The following PDIA6 variants were observed in gnomAD, a reference collection of about 807,000 sequenced individuals.
PDIA6 encodes protein disulfide isomerase family A member 6.
PDIA6 carries 29 observed loss-of-function variants against 58.4 expected under a neutral mutation model. That is an observed-to-expected ratio of 0.50 (90% CI 0.37 to 0.68). The LOEUF is 0.68. Among genes scored for constraint, PDIA6 ranks in the 30% least tolerant of loss-of-function variants. The pLI is 0.00. For missense variants in PDIA6, 480 were observed against 551.0 expected (o/e 0.87, Z 1.29); for synonymous variants, 192 against 202.6 (o/e 0.95, Z 0.44).
chr2:10,799,201 T>G (rs1459583137), intron 2 of PDIA6, among the ~76,000 whole-genome samples: 1 of 152,092 alleles, frequency 6.6e-6, no homozygotes, highest in African/African-American at 2.4e-5. Context: ...GCTATACTGT[T>G]TATTTTTATT....
intron 6 of PDIA6, 48 bp downstream of exon 6, chr2:10,791,747 T>C (rs1405112313): frequency 6.4e-7 from 1 of 1,555,352 alleles, no homozygotes; most frequent in Non-Finnish European, 8.8e-7. Flanking sequence ...CTAATGAATG[T>C]ACTGAAAACA....
At chr2:10,829,651 T>G (rs941540059) in intron 1 of PDIA6, among the ~76,000 whole-genome samples, 2 of 152,222 alleles carry the variant, frequency 1.3e-5, no homozygotes, top group African/African-American at 4.8e-5. Flanking sequence ...CAAATCCTAG[T>G]TCAGGTCCCA....
chr2:10,809,256 A>G (rs2148562114), intron 1 of PDIA6, among the ~76,000 whole-genome samples: 1 of 152,328 alleles, frequency 6.6e-6, no homozygotes, highest in Admixed American at 6.5e-5. Flanking sequence ...TTATATTTCT[A>G]TTGGATGGCA....
At chr2:10,822,882 G>A (rs1212022737) in intron 1 of PDIA6, among the ~76,000 whole-genome samples, 1 of 152,184 alleles carries the variant, frequency 6.6e-6, no homozygotes, top group Non-Finnish European at 1.5e-5. Flanking sequence ...AGCTTCCTGC[G>A]GACAAGACAA....
At chr2:10,803,911 G>GGTTTTTTTTTTTTTTTTTTTTT in intron 1 of PDIA6, among the ~76,000 whole-genome samples, 1 of 117,892 alleles carries the variant, frequency 8.5e-6, no homozygotes, top group Non-Finnish European at 1.8e-5. Context: ...TAGTTTTTGT[G>GGTTTTTTTTTTTTTTTTTTTTT]TTTTTTTTTT....
intron 1 of PDIA6, among the ~76,000 whole-genome samples, chr2:10,831,812 C>T (rs1163632170): frequency 6.6e-6 from 1 of 152,026 alleles, no homozygotes; most frequent in East Asian, 1.9e-4. Context: ...CTCCCAGCCA[C>T]CTTCCTGGAC....
At chr2:10,837,657 A>G in exon 1 of PDIA6, 1 of 1,478,304 alleles carries the variant, frequency 6.8e-7, no homozygotes, top group African/African-American at 1.4e-5. Flanking sequence ...CAGGGGCTCC[A>G]AGCTTCTAGG....
intron 1 of PDIA6, chr2:10,820,649 G>A: frequency 1.7e-6 from 1 of 592,404 alleles, no homozygotes; most frequent in South Asian, 1.9e-5. Flanking sequence ...TTTGTTAGAA[G>A]GGAAGTTCTG....
In PDIA6 at chr2:10,787,416, G is replaced by C. The variant is rs769560300; in HGVS notation, c.1022C>G (p.Ala341Gly). Reference protein sequence around the residue: ...MWGWLWTEAGAQSELETALGI... With the variant: ...MWGWLWTEAGGQSELETALGI... The stretch of plus-strand genomic sequence containing the variant: ...CAACGCGGTCTCAAGTTCAGACTGG[G>C]CTCCAGCTTCTGTCCACAGCCACCT... The change falls in exon 11 of 13, where the codon GCC (alanine) becomes GGC (glycine). Residue 341 changes from alanine (A) to glycine (G), a missense_variant. Coordinates refer to ENST00000272227, the MANE Select transcript of PDIA6 (RefSeq NM_005742.4). 8.7e-6 allele frequency: 14 copies of C among 1,613,602 alleles called. No homozygotes were observed. The highest frequency in any genetic ancestry group is 1.2e-5 in the Non-Finnish European group (14 of 1,179,792).
At chr2:10,787,227 C>T (rs1572648408) in intron 11 of PDIA6, 54 bp downstream of exon 11, 4 of 1,527,736 alleles carry the variant, frequency 2.6e-6, no homozygotes, top group Non-Finnish European at 3.6e-6. Context: ...TATAAACCTA[C>T]AACAGAACCA....
chr2:10,791,760 G>A (rs369164143), intron 6 of PDIA6, 35 bp downstream of exon 6: 2 of 1,597,126 alleles, frequency 1.3e-6, no homozygotes, highest in African/African-American at 2.7e-5. Flanking sequence ...TGAAAACACT[G>A]TGAATGAACA....
intron 2 of PDIA6, among the ~76,000 whole-genome samples, chr2:10,799,035 AAG>A (rs55656909): frequency 0.4 from 60,604 of 151,870 alleles, 13,247 homozygotes; most frequent in Middle Eastern, 0.54. Context: ...GGGAAAGCGG[AAG>A]AGAGTGGGGA....
intron 1 of PDIA6, among the ~76,000 whole-genome samples, chr2:10,806,649 A>AGAAGGAAGGAAGG (rs1283823871): frequency 7.4e-6 from 1 of 134,292 alleles, no homozygotes; most frequent in Non-Finnish European, 1.7e-5. Flanking sequence ...AAAGAAAGAA[A>AGAAGGAAGGAAGG]AACGTTACAG....
chr2:10,832,259 C>A, exon 1 of PDIA6: 1 of 226,776 alleles, frequency 4.4e-6, no homozygotes, highest in Non-Finnish European at 7.3e-6. Flanking sequence ...AACAGCAGAA[C>A]TGGCCAGATC....
rs1553339954 is a variant in PDIA6, at chr2:10,806,650, A to AAAGACAGACAGACAG, written c.20-4011_20-4010insCTGTCTGTCTGTCTT. Reference sequence around the variant, plus strand: ...AGACAGAAAGAAAGAAAGAAAGAAAAACGTTACAGTAAATTAAGGTTAATC... The same window carrying AAAGACAGACAGACAG: ...AGACAGAAAGAAAGAAAGAAAGAAAAAAGACAGACAGACAGACGTTACAGTAAATTAAGGTTAATC... On this transcript the variant is annotated intron_variant, in intron 1 of 12. Transcript: ENST00000272227. Among the ~76,000 whole-genome samples, 50 of 62,920 alleles carry AAAGACAGACAGACAG rather than the reference A, an allele frequency of 7.9e-4. 1 individual carries two copies. Among genetic ancestry groups the AAAGACAGACAGACAG allele is most frequent in the Middle Eastern group, 0.011 (1 of 92 alleles). The allele number at this position is 62,920 out of a possible 152,430, so 41.3% of individuals were successfully genotyped here. A position where few individuals can be genotyped will look rare whatever the true frequency, so the allele number is the denominator to read the frequency against.
At chr2:10,790,006 T>G in intron 7 of PDIA6, 117 bp from the exon 8 acceptor site, 3 of 793,494 alleles carry the variant, frequency 3.8e-6, no homozygotes, top group Non-Finnish European at 5.8e-6. Context: ...TTTGAAGCAG[T>G]CTCACTCTGT....
At chr2:10,794,469 T>TA (rs1666180078) in intron 4 of PDIA6, among the ~76,000 whole-genome samples, 2 of 22,986 alleles carry the variant, frequency 8.7e-5, no homozygotes, top group Non-Finnish European at 2.0e-4. Flanking sequence ...AAAATCTTTC[T>TA]TTTTTTTTTT....
intron 3 of PDIA6, 116 bp downstream of exon 3, chr2:10,797,584 G>A (rs1666323711): frequency 1.4e-6 from 1 of 722,114 alleles, no homozygotes; most frequent in South Asian, 1.7e-5. Flanking sequence ...GCTTCCCATT[G>A]AACATTAAAC....
At chr2:10,797,465 A>C (rs1734345) in intron 3 of PDIA6, among the ~76,000 whole-genome samples, 74,218 of 152,046 alleles carry the variant, frequency 0.49, 19,660 homozygotes, top group South Asian at 0.58. Flanking sequence ...ATCTGGGAAA[A>C]ACAATAAACA....
Sources: gnomAD v4.1 joint callset for allele counts (sites outside exome capture counted in the v4.1 genomes callset) on GRCh38, gnomAD v4.1.1 for gene constraint, MANE v1.5 for transcripts, NCBI Gene and HGNC (gene_info 2026-07-23, HGNC 2026-07-21) for gene names.